SAP130: variants seen among roughly 807,000 people sequenced by gnomAD.
The protein encoded by SAP130 is Sin3A associated protein 130, also known as histone deacetylase complex subunit SAP130.
Under a neutral mutation model 103.2 loss-of-function variants are expected in SAP130, and 16 were observed. That is an observed-to-expected ratio of 0.16 (90% confidence interval 0.10 to 0.24). The LOEUF (loss-of-function observed/expected upper bound fraction) is 0.24. Among genes scored for constraint, SAP130 ranks in the 10% least tolerant of loss-of-function variants. The pLI, the probability that SAP130 is intolerant of heterozygous loss-of-function variation, is 1.00. For missense variants in SAP130, 990 were observed against 1,359.7 expected, an observed-to-expected ratio of 0.73 and a Z score of 4.28; for synonymous variants, 477 against 497.0, an observed-to-expected ratio of 0.96 and a Z score of 0.53.
At chr2:128,010,736 C>T (rs897063840) in intron 6 of SAP130, among the ~76,000 whole-genome samples, 7 of 152,020 alleles carry the variant, frequency 4.6e-5, no homozygotes, top group South Asian at 2.1e-4. Flanking sequence ...TGGTGGCACG[C>T]GCCTGTAATC....
intron 14 of SAP130, among the ~76,000 whole-genome samples, chr2:127,985,663 G>A (rs529692088): frequency 4.5e-4 from 69 of 152,094 alleles, no homozygotes; most frequent in Non-Finnish European, 6.2e-4. Flanking sequence ...GGGAAGGGGC[G>A]GGTCCCTGGT....
intron 15 of SAP130, among the ~76,000 whole-genome samples, chr2:127,968,801 T>C (rs574840894): frequency 2.0e-5 from 3 of 152,244 alleles, no homozygotes; most frequent in Admixed American, 1.3e-4. Flanking sequence ...GTGAGGGCAC[T>C]GTGCCCAGCC....
At chr2:127,963,171 T>TGACAA (rs1219304237) in intron 15 of SAP130, among the ~76,000 whole-genome samples, 1 of 152,218 alleles carries the variant, frequency 6.6e-6, no homozygotes, top group Non-Finnish European at 1.5e-5. Flanking sequence ...CCACTTTGCT[T>TGACAA]ATCAAGTTTT....
intron 6 of SAP130, among the ~76,000 whole-genome samples, chr2:128,012,375 C>G (rs1200065710): frequency 6.6e-6 from 1 of 152,056 alleles, no homozygotes; most frequent in East Asian, 1.9e-4. Flanking sequence ...AAGGCTGAGG[C>G]AGGAGAATCG....
chr2:127,980,179 A>T (rs1256795641), intron 14 of SAP130, among the ~76,000 whole-genome samples: 2 of 152,088 alleles, frequency 1.3e-5, no homozygotes, highest in African/African-American at 4.8e-5. Flanking sequence ...GTGCCTGGCC[A>T]CAGGATTTTC....
chr2:128,024,351 C>T (rs1390196712), intron 2 of SAP130, among the ~76,000 whole-genome samples: 1 of 151,562 alleles, frequency 6.6e-6, no homozygotes, highest in Non-Finnish European at 1.5e-5. Context: ...AGGAGGAAGG[C>T]TAAATAGTAA....
At chr2:127,948,129 T>C (rs1008606617) in intron 18 of SAP130, among the ~76,000 whole-genome samples, 1 of 151,990 alleles carries the variant, frequency 6.6e-6, no homozygotes. Flanking sequence ...AATCTACCTA[T>C]GCCACTGCAT....
chr2:127,990,487 T>C (rs1224644655), intron 12 of SAP130, among the ~76,000 whole-genome samples: 4 of 152,152 alleles, frequency 2.6e-5, no homozygotes, highest in East Asian at 1.9e-4. Flanking sequence ...TCCAGAGATG[T>C]TGGAACTTGT....
chr2:128,008,528 CTTT>C (rs76018250), intron 7 of SAP130, among the ~76,000 whole-genome samples: 9 of 137,198 alleles, frequency 6.6e-5, no homozygotes, highest in Admixed American at 7.4e-5. Context: ...CCACGCTTAC[CTTT>C]TTTTTTTTTT....
chr2:128,012,154 G>A (rs72973325), intron 6 of SAP130, among the ~76,000 whole-genome samples: 3,564 of 152,232 alleles, frequency 0.023, 102 homozygotes, highest in East Asian at 0.14. Context: ...ATGATACACA[G>A]AGCCATTGTG....
chr2:127,947,762 GTC>G (rs1238728022), intron 18 of SAP130, among the ~76,000 whole-genome samples: 1,814 of 138,774 alleles, frequency 0.013, 23 homozygotes, highest in African/African-American at 0.049. Flanking sequence ...TATTGTGTGT[GTC>G]TGTGTGTGTG....
At position 127,996,558 on chromosome 2, in the gene SAP130, G is replaced by A; in HGVS notation, c.1214-67C>T. 1.5e-6 allele frequency: 2 copies of A among 1,342,754 alleles called. No individual in the cohort carries two copies. The highest frequency in any genetic ancestry group is 1.8e-5 in the South Asian group (1 of 54,186). 83.2% of individuals were successfully genotyped at this position (1,342,754 alleles called of 1,614,324 possible). A position where few individuals can be genotyped will look rare whatever the true frequency, so the allele number is the denominator to read the frequency against. On this transcript the variant is annotated intron_variant, in intron 10 of 20. Coordinates refer to ENST00000643581, the MANE Select transcript of SAP130 (RefSeq NM_001330301.2). This position sits in a 1 kb window ranked among gnomAD's most constrained non-coding sequence, Gnocchi z 4.3. Reference sequence around the variant, plus strand: ...TTTTTTGGCATGCCAAAACATTCTTGGCTAGCAGCAATCTTAGGAAAGCAA... The same window carrying A: ...TTTTTTGGCATGCCAAAACATTCTTAGCTAGCAGCAATCTTAGGAAAGCAA...
intron 14 of SAP130, among the ~76,000 whole-genome samples, chr2:127,981,075 T>C (rs1313560010): frequency 6.6e-6 from 1 of 151,912 alleles, no homozygotes; most frequent in Non-Finnish European, 1.5e-5. Flanking sequence ...GACCATTTCC[T>C]TCCCCTCCCA....
chr2:127,963,851 C>T (rs1680445884), intron 15 of SAP130, among the ~76,000 whole-genome samples: 1 of 152,156 alleles, frequency 6.6e-6, no homozygotes, highest in Admixed American at 6.5e-5. Flanking sequence ...GAATGTGGGG[C>T]CTCCCCAGCC....
At position 127,942,300 on chromosome 2, in the gene SAP130, C is replaced by G. The variant is rs1483360858; in HGVS notation, c.3015+124G>C. The stretch of plus-strand genomic sequence containing the variant: ...AATGTCTTTTTGTTTCTCAGGAGTG[C>G]AGGCTGAAGCACGTATGTTTTTACT... On this transcript the variant is annotated intron_variant, in intron 20 of 20. Transcript: ENST00000643581. This position sits in a 1 kb window ranked among gnomAD's most constrained non-coding sequence, Gnocchi z 4.8. The G allele has an allele frequency of 1.9e-6, 2 of 1,070,536 alleles. No individual in the cohort carries two copies. Among genetic ancestry groups the G allele is most frequent in the African/African-American group, 3.2e-5 (2 of 63,444 alleles). 66.3% of individuals were successfully genotyped at this position (1,070,536 alleles called of 1,614,324 possible). A position where few individuals can be genotyped will look rare whatever the true frequency, so the allele number is the denominator to read the frequency against.
rs2105058037 is a variant in SAP130, at chr2:127,996,129, A to C, written c.1355+221T>G. 6.6e-6 allele frequency among the ~76,000 whole-genome samples: 1 copy of C among 152,212 alleles called. No homozygotes were observed. ...GGCCAAAAAATGTTAAACACACAAA[A>C]CCCAAAAAATGGATACTAGGAAAAC... On this transcript the variant is annotated intron_variant, in intron 11 of 20. Transcript: ENST00000643581. The surrounding 1 kb of genome is among the most constrained non-coding windows in gnomAD (Gnocchi z 4.3).
intron 19 of SAP130, among the ~76,000 whole-genome samples, chr2:127,943,210 T>C (rs911963306): frequency 2.0e-5 from 3 of 152,184 alleles, no homozygotes; most frequent in African/African-American, 7.2e-5. Context: ...TTTTAGATAC[T>C]GACAACAGAC....
chr2:128,025,562 A>T (rs543963346), intron 2 of SAP130, among the ~76,000 whole-genome samples: 1 of 152,236 alleles, frequency 6.6e-6, no homozygotes, highest in Non-Finnish European at 1.5e-5. Context: ...AAGCACATAC[A>T]GACTTTTTTC....
At chr2:127,974,397 C>G (rs910589255) in intron 15 of SAP130, among the ~76,000 whole-genome samples, 1 of 152,184 alleles carries the variant, frequency 6.6e-6, no homozygotes, top group Non-Finnish European at 1.5e-5. Context: ...TGATATTATT[C>G]CTAATATACA....
Sources: allele counts gnomAD v4.1 joint callset (sites outside exome capture counted in the v4.1 genomes callset), GRCh38; gene constraint gnomAD v4.1.1; non-coding constraint Gnocchi (gnomAD v3.1); transcripts MANE v1.5; gene names NCBI Gene and HGNC (gene_info 2026-07-23, HGNC 2026-07-21).